The following CDH22 variants were observed in gnomAD, a reference collection of about 807,000 sequenced individuals.
CDH22 encodes cadherin 22.
In CDH22, 30 loss-of-function variants were observed where a neutral mutation model predicts 58.4. That is an observed-to-expected ratio of 0.51 (90% CI 0.38 to 0.70). The LOEUF is 0.70. CDH22 is among the 30% of genes least tolerant of loss of function. The probability of loss-of-function intolerance (pLI) is 0.00; values close to 1 mark genes in which losing one functional copy is unlikely to be tolerated. For synonymous variants in CDH22, 513 were observed against 558.2 expected (o/e 0.92, Z 1.14); for missense variants, 1,014 against 1,233.9 (o/e 0.82, Z 2.67).
chr20:46,227,429 A>C, intron 4 of CDH22, 79 bp downstream of exon 4: 1 of 1,328,720 alleles, frequency 7.5e-7, no homozygotes, highest in Non-Finnish European at 1.0e-6. Context: ...CTCAGAGCAG[A>C]CGTCTGGGGT....
intron 8 of CDH22, among the ~76,000 whole-genome samples, chr20:46,192,923 C>CT (rs1200441281): frequency 6.6e-6 from 1 of 152,046 alleles, no homozygotes; most frequent in Admixed American, 6.5e-5. Flanking sequence ...ATGCCCCCCC[C>CT]CAGTGGGAGC....
At chr20:46,258,995 AC>A (rs2086419467) in intron 1 of CDH22, among the ~76,000 whole-genome samples, 1 of 152,196 alleles carries the variant, frequency 6.6e-6, no homozygotes, top group Non-Finnish European at 1.5e-5. Context: ...GCATTTCCAT[AC>A]ACATTACAGC....
At chr20:46,252,465 C>T (rs1052088429) in intron 1 of CDH22, among the ~76,000 whole-genome samples, 1 of 152,254 alleles carries the variant, frequency 6.6e-6, no homozygotes, top group African/African-American at 2.4e-5. Flanking sequence ...CTCTTCCCTT[C>T]TCTCTATCAG....
chr20:46,260,156 A>C (rs1195463537), intron 1 of CDH22, among the ~76,000 whole-genome samples: 1 of 152,182 alleles, frequency 6.6e-6, no homozygotes, highest in Non-Finnish European at 1.5e-5. Context: ...AATTTTTATT[A>C]TTCTTAAAAA....
At chr20:46,234,182 T>A (rs2086238764) in intron 3 of CDH22, among the ~76,000 whole-genome samples, 1 of 152,240 alleles carries the variant, frequency 6.6e-6, no homozygotes, top group Non-Finnish European at 1.5e-5. Context: ...ATGTCAGTAC[T>A]TAACCCAAGA....
intron 1 of CDH22, among the ~76,000 whole-genome samples, chr20:46,265,945 T>TACAC (rs10536307): frequency 0.01 from 1,490 of 148,124 alleles, 27 homozygotes; most frequent in East Asian, 0.073. Flanking sequence ...TTCACACAGA[T>TACAC]ACACACACAC....
chr20:46,215,031 C>T (rs996366080), intron 5 of CDH22, among the ~76,000 whole-genome samples: 24 of 152,206 alleles, frequency 1.6e-4, no homozygotes, highest in Non-Finnish European at 2.1e-4. Flanking sequence ...AATCAAAGAA[C>T]GTGACAGTAC....
In CDH22 at chr20:46,236,685, A is replaced by ATC. The variant is rs1237849066; in HGVS notation, c.550+4277_550+4278insGA. On this transcript the variant is annotated intron_variant, in intron 3 of 11. Coordinates refer to ENST00000537909, the MANE Select transcript of CDH22 (RefSeq NM_021248.3). ...TCTATCTATCTATCTATCTATCTAT[A>ATC]TATACATAGAGAGAGAGAGAGAGAG... 7.7e-3 allele frequency among the ~76,000 whole-genome samples: 859 copies of ATC among 111,130 alleles called. 4 individuals carry two copies. Among genetic ancestry groups the ATC allele is most frequent in the Admixed American group, 0.024 (259 of 10,722 alleles). The allele number at this position is 111,130 out of a possible 152,430, so 72.9% of individuals were successfully genotyped here.
Position 46,199,504 on chromosome 20 carries a change from T to A in CDH22, c.1342A>T (p.Thr448Ser). 1.2e-6 allele frequency: 2 copies of A among 1,613,974 alleles called. No individual in the cohort carries two copies. Among genetic ancestry groups the A allele is most frequent in the Non-Finnish European group, 1.7e-6 (2 of 1,179,978 alleles). ...LDQIFDIDADTGAIVTGKGLD... is the reference protein window; with the variant it reads ...LDQIFDIDADSGAIVTGKGLD... Reference sequence around the variant, plus strand: ...CCCTTGCCAGTCACGATGGCGCCTGTGTCCGCATCGATATCGAAGATCTGG... The same window carrying A: ...CCCTTGCCAGTCACGATGGCGCCTGAGTCCGCATCGATATCGAAGATCTGG... The change falls in exon 8 of 12, where the codon ACA (threonine) becomes TCA (serine). Residue 448 changes from threonine to serine, a missense_variant. Coordinates refer to ENST00000537909, the MANE Select transcript of CDH22 (RefSeq NM_021248.3).
At chr20:46,259,759 G>A (rs552006440) in intron 1 of CDH22, among the ~76,000 whole-genome samples, 2 of 152,156 alleles carry the variant, frequency 1.3e-5, no homozygotes, top group East Asian at 3.8e-4. Context: ...CATGAGCAGA[G>A]GAAACCTAGG....
At chr20:46,197,617 C>T (rs1243754711) in intron 8 of CDH22, among the ~76,000 whole-genome samples, 1 of 152,142 alleles carries the variant, frequency 6.6e-6, no homozygotes, top group South Asian at 2.1e-4. Flanking sequence ...GCCTCAGTTG[C>T]TACCCAGGGA....
Position 46,241,455 on chromosome 20 carries a change from C to T in CDH22, c.256-198G>A, listed in dbSNP as rs1268400015. ...GAGTCTTTCCTCAGCCCGCTGGGGCCCTCCCTGCCCCTGGACTCTGCTTTC... is the reference window on the plus strand; with the variant it reads ...GAGTCTTTCCTCAGCCCGCTGGGGCTCTCCCTGCCCCTGGACTCTGCTTTC... On this transcript the variant is annotated intron_variant, in intron 2 of 11. Coordinates refer to ENST00000537909, the MANE Select transcript of CDH22 (RefSeq NM_021248.3). The surrounding 1 kb of genome is among the most constrained non-coding windows in gnomAD (Gnocchi z 5.2). 1.3e-5 allele frequency among the ~76,000 whole-genome samples: 2 copies of T among 152,312 alleles called. No individual in the cohort carries two copies. Among genetic ancestry groups the T allele is most frequent in the Admixed American group, 1.3e-4 (2 of 15,300 alleles).
intron 1 of CDH22, among the ~76,000 whole-genome samples, chr20:46,287,334 T>C (rs1000651053): frequency 1.4e-4 from 22 of 152,226 alleles, no homozygotes; most frequent in African/African-American, 5.3e-4. Context: ...GCTGTTATTA[T>C]CATTATTAAC....
chr20:46,177,317 G>A (rs1174036090), intron 11 of CDH22, among the ~76,000 whole-genome samples: 1 of 152,198 alleles, frequency 6.6e-6, no homozygotes, highest in Non-Finnish European at 1.5e-5. Context: ...ATCCAGGTTA[G>A]CTTCTGAAAC....
Position 46,241,413 on chromosome 20 carries a change from C to T in CDH22, c.256-156G>A, listed in dbSNP as rs1218378495. 6.6e-6 allele frequency among the ~76,000 whole-genome samples: 1 copy of T among 152,244 alleles called. No individual in the cohort carries two copies. The highest frequency in any genetic ancestry group is 1.5e-5 in the Non-Finnish European group (1 of 68,050). The stretch of plus-strand genomic sequence containing the variant: ...CACTGAGGCCCAGCAGCCACGCTCA[C>T]TTCCATCCCTGGCCTGGAGTCTTTC... On this transcript the variant is annotated intron_variant, in intron 2 of 11. Coordinates refer to ENST00000537909, the MANE Select transcript of CDH22 (RefSeq NM_021248.3). The surrounding 1 kb of genome is among the most constrained non-coding windows in gnomAD (Gnocchi z 5.2).
chr20:46,226,921 C>G (rs2086179322), intron 4 of CDH22, among the ~76,000 whole-genome samples: 1 of 152,170 alleles, frequency 6.6e-6, no homozygotes, highest in African/African-American at 2.4e-5. Flanking sequence ...CTAATGTCAC[C>G]GTGAGTGAAG....
intron 8 of CDH22, among the ~76,000 whole-genome samples, chr20:46,196,348 C>T (rs1600691099): frequency 1.3e-5 from 2 of 152,134 alleles, no homozygotes; most frequent in Middle Eastern, 6.8e-3. Flanking sequence ...GATCTTGGCT[C>T]ATTGCAACCT....
chr20:46,226,231 C>CCTTCTTCTTCTTCTTCTTCTT (rs74176857), intron 4 of CDH22, among the ~76,000 whole-genome samples: 114 of 86,590 alleles, frequency 1.3e-3, no homozygotes, highest in East Asian at 4.5e-3. Context: ...TCTGGCAACA[C>CCTTCTTCTTCTTCTTCTTCTT]CTTCTTCTTC....
chr20:46,299,241 C>T (rs116370192), intron 1 of CDH22, among the ~76,000 whole-genome samples: 2,779 of 152,330 alleles, frequency 0.018, 37 homozygotes, highest in Middle Eastern at 0.044. Context: ...AGCTCCTCCT[C>T]TTTGCTCATG....
Sources: gnomAD v4.1 joint callset for allele counts (sites outside exome capture counted in the v4.1 genomes callset) on GRCh38, gnomAD v4.1.1 for gene constraint, Gnocchi (gnomAD v3.1) non-coding constraint, MANE v1.5 for transcripts, NCBI Gene and HGNC (gene_info 2026-07-23, HGNC 2026-07-21) for gene names.